CRTC3: variants seen among roughly 807,000 people sequenced by gnomAD.
The protein encoded by CRTC3 is CREB regulated transcription coactivator 3.
CRTC3 carries 26 observed loss-of-function variants against 74.5 expected under a neutral mutation model. The observed-to-expected ratio is 0.35, with a 90% CI of 0.26 to 0.48. The LOEUF is 0.48. CRTC3 is among the 20% of genes least tolerant of loss of function. CRTC3 has a pLI of 0.99. For synonymous variants in CRTC3, 377 were observed against 325.8 expected, an observed-to-expected ratio of 1.16 and a Z score of -1.69; for missense variants, 760 against 787.3, an observed-to-expected ratio of 0.97 and a Z score of 0.41.
chr15:90,616,068 A>G (rs28464777), intron 7 of CRTC3, among the ~76,000 whole-genome samples: 1,928 of 151,798 alleles, frequency 0.013, 49 homozygotes, highest in African/African-American at 0.044. Context: ...ATTTTGCCGC[A>G]TTGTCCAGGC....
chr15:90,577,029 T>TTTTTGTTTTG (rs113826739), intron 2 of CRTC3, among the ~76,000 whole-genome samples: 70 of 151,338 alleles, frequency 4.6e-4, no homozygotes, highest in African/African-American at 5.3e-4. Context: ...ATTTGTTTGT[T>TTTTTGTTTTG]TTTTGTTTTG....
intron 3 of CRTC3, chr15:90,600,496 GC>G (rs1289031639): frequency 6.6e-6 from 1 of 152,190 alleles, no homozygotes; most frequent in Non-Finnish European, 1.5e-5. Context: ...TTCCTGAGAG[GC>G]AGCATAGCTT....
intron 9 of CRTC3, among the ~76,000 whole-genome samples, chr15:90,625,321 C>G (rs941755478): frequency 1.7e-4 from 26 of 152,206 alleles, no homozygotes; most frequent in African/African-American, 6.3e-4. Flanking sequence ...ATGGCAACAT[C>G]TCTTTGTCAC....
intron 1 of CRTC3, among the ~76,000 whole-genome samples, chr15:90,537,952 G>A (rs1484959168): frequency 6.6e-6 from 1 of 152,180 alleles, no homozygotes; most frequent in African/African-American, 2.4e-5. Flanking sequence ...CAGTTATGGG[G>A]GATTGTGAGA....
At chr15:90,591,274 T>A (rs1967794547) in intron 2 of CRTC3, among the ~76,000 whole-genome samples, 1 of 151,602 alleles carries the variant, frequency 6.6e-6, no homozygotes, top group Non-Finnish European at 1.5e-5. Context: ...AATTTGTTTG[T>A]TTGTAGAGCT....
At chr15:90,588,307 C>A (rs1967716177) in intron 2 of CRTC3, among the ~76,000 whole-genome samples, 1 of 151,474 alleles carries the variant, frequency 6.6e-6, no homozygotes, top group Non-Finnish European at 1.5e-5. Context: ...TTCATTCAGT[C>A]TCTCTCTGTC....
In CRTC3 at chr15:90,642,475, AG is replaced by A. The variant is rs1278689241; in HGVS notation, c.*337del. ...AGAGTAGGAAATACTGTGTCACTGG[AG>A]GCCTCCGTAGCATTGTGTAGTGTGC... is the stretch of plus-strand genomic sequence containing the variant. On this transcript the variant is annotated 3_prime_UTR_variant, in exon 15 of 15. Coordinates refer to ENST00000268184, the MANE Select transcript of CRTC3 (RefSeq NM_022769.5). 2.3e-6 allele frequency: 1 copy of A among 433,958 alleles called. No homozygotes were observed. Among genetic ancestry groups the A allele is most frequent in the African/African-American group, 2.0e-5 (1 of 50,960 alleles). The allele number at this position is 433,958 out of a possible 1,614,324, so 26.9% of individuals were successfully genotyped here.
At chr15:90,604,154 T>G (rs1392882989) in intron 4 of CRTC3, 29 of 472,594 alleles carry the variant, frequency 6.1e-5, no homozygotes, top group Non-Finnish European at 1.6e-5. Context: ...GCCTTATGGG[T>G]TTGTAGTAGT....
intron 11 of CRTC3, among the ~76,000 whole-genome samples, chr15:90,632,545 G>A (rs1969077018): frequency 6.6e-6 from 1 of 152,168 alleles, no homozygotes. Flanking sequence ...CTCTCGTTAG[G>A]CATATTCCTC....
chr15:90,539,956 T>G, intron 1 of CRTC3, 83 bp from the exon 2 acceptor site: 1 of 927,178 alleles, frequency 1.1e-6, no homozygotes, highest in South Asian at 1.4e-5. Context: ...TCTTGAACCG[T>G]TCCCCTACAA....
In CRTC3 at chr15:90,644,472, T is replaced by C; in HGVS notation, c.*2332T>C. The C allele has an allele frequency of 4.3e-6, 1 of 232,154 alleles. No individual in the cohort carries two copies. The highest frequency in any genetic ancestry group is 8.5e-6 in the Non-Finnish European group (1 of 117,412). 14.4% of individuals were successfully genotyped at this position (232,154 alleles called of 1,614,324 possible). On this transcript the variant is annotated 3_prime_UTR_variant, in exon 15 of 15. Transcript: ENST00000268184. ...TTGTCTGCACAGCAGCCACCCTGCC[T>C]GGCAACAGAGACCCCAAGACCTACA...
chr15:90,628,448 T>G (rs1268484257), intron 10 of CRTC3, among the ~76,000 whole-genome samples: 1 of 152,164 alleles, frequency 6.6e-6, no homozygotes, highest in Non-Finnish European at 1.5e-5. Context: ...ATTGATTCAC[T>G]GGGCGAACCT....
At chr15:90,623,342 A>G (rs1037739821) in intron 9 of CRTC3, among the ~76,000 whole-genome samples, 1 of 152,162 alleles carries the variant, frequency 6.6e-6, no homozygotes, top group African/African-American at 2.4e-5. Context: ...TACGTAACTG[A>G]GAGAGAAATA....
chr15:90,549,743 C>T (rs1966851148), intron 2 of CRTC3, among the ~76,000 whole-genome samples: 1 of 149,050 alleles, frequency 6.7e-6, no homozygotes, highest in Admixed American at 6.7e-5. Context: ...TTCTCTGTCA[C>T]CCAGGCTGGA....
In CRTC3 at chr15:90,602,710, T is replaced by C. The variant is rs545203203; in HGVS notation, c.413+325T>C. Among the ~76,000 whole-genome samples, 7 of 152,166 alleles carry C rather than the reference T, an allele frequency of 4.6e-5. 1 individual carries two copies. The South Asian group carries it at 1.5e-3, about 32-fold the overall frequency. On this transcript the variant is annotated intron_variant, in intron 4 of 14. Coordinates refer to ENST00000268184, the MANE Select transcript of CRTC3 (RefSeq NM_022769.5). Reference sequence around the variant, plus strand: ...CACCTTATTGGCCGGGCATGGTGGCTCATGCCTGTAATCCCAGCACTTTGG... The same window carrying C: ...CACCTTATTGGCCGGGCATGGTGGCCCATGCCTGTAATCCCAGCACTTTGG...
chr15:90,614,421 G>GTTTTC, intron 6 of CRTC3, 32 bp from the exon 7 acceptor site: 1 of 1,543,910 alleles, frequency 6.5e-7, no homozygotes, highest in South Asian at 1.1e-5. Context: ...ACATAAAAGT[G>GTTTTC]TTTTCTTTTT....
rs536632829 is a variant in CRTC3, at chr15:90,601,227, T to C, written c.352-1097T>C. On this transcript the variant is annotated intron_variant, in intron 3 of 14. Transcript: ENST00000268184. ...GTGCAGCATCCCATTTGTGTCTCCG[T>C]GCGTCCAGAATATGCTCCAAGGCAT... Among the ~76,000 whole-genome samples the C allele has an allele frequency of 6.6e-5, 10 of 152,296 alleles. No individual in the cohort carries two copies. In the South Asian group the frequency reaches 1.7e-3, roughly 25 times the overall value.
rs376578103 is a variant in CRTC3 at position 90,637,255 on chromosome 15, G to A, written c.1267-1191G>A. Among the ~76,000 whole-genome samples the A allele has an allele frequency of 2.6e-3, 397 of 152,256 alleles. 2 individuals carry two copies. The highest frequency in any genetic ancestry group is 0.01 in the Middle Eastern group (3 of 294). On this transcript the variant is annotated intron_variant, in intron 11 of 14. Transcript: ENST00000268184. ...AATGATGAGTTCATGTCCTTTGTAG[G>A]GACATGGATGAAGCTGGAAACCATC...
At chr15:90,568,378 T>C (rs1967173905) in intron 2 of CRTC3, among the ~76,000 whole-genome samples, 1 of 152,194 alleles carries the variant, frequency 6.6e-6, no homozygotes, top group African/African-American at 2.4e-5. Flanking sequence ...TTTTAAATAG[T>C]CTCGCTCTGT....
Sources: gnomAD v4.1 joint callset for allele counts (sites outside exome capture counted in the v4.1 genomes callset) on GRCh38, gnomAD v4.1.1 for gene constraint, MANE v1.5 for transcripts, NCBI Gene and HGNC (gene_info 2026-07-23, HGNC 2026-07-21) for gene names.